The following HMCN1 variants were observed in gnomAD, a reference collection of about 807,000 sequenced individuals.
The protein encoded by HMCN1 is hemicentin-1.
In HMCN1, 321 loss-of-function variants were observed where a neutral mutation model predicts 625.9. The observed-to-expected ratio is 0.51, with a 90% confidence interval of 0.47 to 0.56. The LOEUF (loss-of-function observed/expected upper bound fraction) is 0.56. Among genes scored for constraint, HMCN1 ranks in the 20% least tolerant of loss-of-function variants. The pLI is 0.00. For synonymous variants in HMCN1, 2,425 were observed against 2,417.6 expected (o/e 1.00, Z -0.09); for missense variants, 6,588 against 6,887.3 (o/e 0.96, Z 1.54).
At position 186,137,599 on chromosome 1, in the gene HMCN1, G is replaced by C. The variant is rs772441061; in HGVS notation, c.13684G>C (p.Ala4562Pro). Residue 4562 changes from alanine (A) to proline (P), a missense_variant, in exon 88 of 107, where the codon GCC becomes CCC. Coordinates refer to ENST00000271588, the MANE Select transcript of HMCN1 (RefSeq NM_031935.3). ...TCGTCTGTGCAACCAGCCCCTTCCA[G>C]CCAATGGTGGGAAGCCCTGCCAAGG... Reference protein sequence around the residue: ...RSRLCNQPLPANGGKPCQGSD... With the variant: ...RSRLCNQPLPPNGGKPCQGSD... The C allele has an allele frequency of 1.2e-6, 2 of 1,614,014 alleles. No individual in the cohort carries two copies.
At chr1:185,941,137 G>A (rs1668059802) in intron 11 of HMCN1, among the ~76,000 whole-genome samples, 1 of 152,150 alleles carries the variant, frequency 6.6e-6, no homozygotes, top group South Asian at 2.1e-4. Context: ...TTACAGGTGT[G>A]AGCCACTGCA....
intron 1 of HMCN1, among the ~76,000 whole-genome samples, chr1:185,773,888 C>T (rs1415865507): frequency 3.9e-5 from 6 of 152,040 alleles, no homozygotes; most frequent in Admixed American, 3.3e-4. Flanking sequence ...CCAATCAGAG[C>T]TTGGAGAGCA....
chr1:186,048,044 T>A (rs1366607311), intron 41 of HMCN1, among the ~76,000 whole-genome samples: 9 of 152,180 alleles, frequency 5.9e-5, no homozygotes. Flanking sequence ...TAAATATTAT[T>A]TATTAAATTC....
chr1:186,170,956 C>G (rs142027524), intron 100 of HMCN1, among the ~76,000 whole-genome samples: 1 of 152,264 alleles, frequency 6.6e-6, no homozygotes, highest in African/African-American at 2.4e-5. Flanking sequence ...GAAGAAAGGA[C>G]AATTGCAAAA....
intron 4 of HMCN1, among the ~76,000 whole-genome samples, chr1:185,895,121 AC>A (rs1413270549): frequency 1.3e-5 from 2 of 152,162 alleles, no homozygotes; most frequent in African/African-American, 2.4e-5. Flanking sequence ...ACACATATTT[AC>A]AATTAATACT....
intron 98 of HMCN1, 77 bp downstream of exon 98, chr1:186,165,250 GCC>G: frequency 8.5e-7 from 1 of 1,179,100 alleles, no homozygotes; most frequent in Non-Finnish European, 1.3e-6. Context: ...GGTATCTATT[GCC>G]CTTTCACTAG....
chr1:186,031,387 T>A (rs927165279), intron 36 of HMCN1, among the ~76,000 whole-genome samples: 5 of 152,054 alleles, frequency 3.3e-5, no homozygotes, highest in Non-Finnish European at 7.4e-5. Context: ...TGGCTGTTGT[T>A]TGTACTGAGG....
intron 35 of HMCN1, 101 bp from the exon 36 acceptor site, chr1:186,022,929 G>A: frequency 1.7e-6 from 2 of 1,181,456 alleles, no homozygotes; most frequent in Admixed American, 1.7e-5. Context: ...TGAAAATATT[G>A]TTAGATATTA....
chr1:186,001,546 C>T, intron 27 of HMCN1, 48 bp from the exon 28 acceptor site: 1 of 1,606,924 alleles, frequency 6.2e-7, no homozygotes, highest in Non-Finnish European at 8.5e-7. Context: ...TTTAATTATG[C>T]ATTTTTATTA....
At chr1:185,808,712 C>A (rs926907158) in intron 1 of HMCN1, among the ~76,000 whole-genome samples, 1 of 152,094 alleles carries the variant, frequency 6.6e-6, no homozygotes, top group Non-Finnish European at 1.5e-5. Context: ...ATAAGAGAGT[C>A]CTTCAAAGTG....
intron 67 of HMCN1, 67 bp from the exon 68 acceptor site, chr1:186,095,176 T>G (rs1660062457): frequency 1.4e-6 from 2 of 1,464,182 alleles, no homozygotes; most frequent in Non-Finnish European, 9.6e-7. Context: ...TATTCAAATG[T>G]TTTAATTTAA....
Position 185,898,519 on chromosome 1 carries a change from A to G in HMCN1, c.622-10818A>G, listed in dbSNP as rs148437455. 1.8e-3 allele frequency among the ~76,000 whole-genome samples: 281 copies of G among 152,300 alleles called. 2 individuals are homozygous for G. The highest frequency in any genetic ancestry group is 6.8e-3 in the Middle Eastern group (2 of 294). Reference sequence around the variant, plus strand: ...CGATTTTAATAGAAGTACCACCTACATCAAGGGAGATGGGTCCTAGCTCAT... The same window carrying G: ...CGATTTTAATAGAAGTACCACCTACGTCAAGGGAGATGGGTCCTAGCTCAT... On this transcript the variant is annotated intron_variant, in intron 4 of 106. Coordinates refer to ENST00000271588, the MANE Select transcript of HMCN1 (RefSeq NM_031935.3).
At chr1:185,885,959 G>A (rs772784077) in intron 4 of HMCN1, among the ~76,000 whole-genome samples, 1 of 151,814 alleles carries the variant, frequency 6.6e-6, no homozygotes, top group African/African-American at 2.4e-5. Context: ...TTACAATTTT[G>A]TAGACATTCT....
intron 15 of HMCN1, among the ~76,000 whole-genome samples, chr1:185,975,425 G>C (rs898036296): frequency 1.3e-5 from 2 of 152,018 alleles, no homozygotes; most frequent in Non-Finnish European, 2.9e-5. Context: ...AGAGCAAAGG[G>C]GGAGGTGATA....
At chr1:186,049,616 C>A (rs1027572747) in intron 42 of HMCN1, among the ~76,000 whole-genome samples, 2 of 151,862 alleles carry the variant, frequency 1.3e-5, no homozygotes, top group East Asian at 1.9e-4. Context: ...AATTTACATA[C>A]TTTAAAAAAC....
chr1:186,166,977 A>T, intron 100 of HMCN1, 35 bp downstream of exon 100: 1 of 1,613,874 alleles, frequency 6.2e-7, no homozygotes, highest in Non-Finnish European at 8.5e-7. Context: ...TATGTTCATG[A>T]CAGTAAGAAT....
At chr1:186,042,671 A>T (rs1656286113) in intron 40 of HMCN1, among the ~76,000 whole-genome samples, 1 of 152,166 alleles carries the variant, frequency 6.6e-6, no homozygotes, top group Non-Finnish European at 1.5e-5. Context: ...ATATATGTTT[A>T]ACCATTGAAA....
rs559522196 is a variant in HMCN1, at chr1:186,189,789, G to A, written c.16819G>A (p.Val5607Ile). 1.5e-4 allele frequency: 250 copies of A among 1,613,468 alleles called. No individual in the cohort carries two copies. The highest frequency in any genetic ancestry group is 2.0e-4 in the Non-Finnish European group (236 of 1,179,804). ...AGAAGCAGAGACCTACCGCATGAGG[G>A]TCCGAGCCTCATCCTACAGTGCCAA... ...LREAETYRMR[V>I]RASSYSANGT... The change falls in exon 107 of 107, where the codon GTC (valine) becomes ATC (isoleucine). Residue 5607 changes from valine to isoleucine, a missense_variant. This residue lies in a region of HMCN1 where 1,954 missense variants were observed against 2,013.1 expected (regional missense o/e 0.97). Coordinates refer to ENST00000271588, the MANE Select transcript of HMCN1 (RefSeq NM_031935.3).
At chr1:185,854,370 G>A (rs544981792) in intron 2 of HMCN1, among the ~76,000 whole-genome samples, 16 of 152,160 alleles carry the variant, frequency 1.1e-4, no homozygotes, top group Admixed American at 5.9e-4. Context: ...CAGTTACCCC[G>A]TCAGATGTTG....
Sources: gnomAD v4.1 joint callset for allele counts (sites outside exome capture counted in the v4.1 genomes callset) on GRCh38, gnomAD v4.1.1 for gene constraint, gnomAD v4.1.1 regional missense constraint, MANE v1.5 for transcripts, NCBI Gene and HGNC (gene_info 2026-07-23, HGNC 2026-07-21) for gene names.